The following SLC25A21 variants were observed in gnomAD, a reference collection of about 807,000 sequenced individuals.
SLC25A21 encodes the protein mitochondrial 2-oxodicarboxylate carrier.
Under a neutral mutation model 43.8 loss-of-function variants are expected in SLC25A21, and 47 were observed. That is an observed-to-expected ratio of 1.07 (90% CI 0.85 to 1.37). SLC25A21 has a LOEUF of 1.37. Among genes scored for constraint, SLC25A21 ranks in the 40% most tolerant of loss-of-function variants. The probability of loss-of-function intolerance (pLI) is 0.00; values close to 1 mark genes in which losing one functional copy is unlikely to be tolerated. For synonymous variants in SLC25A21, 131 were observed against 121.3 expected (o/e 1.08, Z -0.52); for missense variants, 352 against 350.2 (o/e 1.00, Z -0.04).
At chr14:36,936,079 C>T (rs891648801) in intron 1 of SLC25A21, among the ~76,000 whole-genome samples, 1 of 152,108 alleles carries the variant, frequency 6.6e-6, no homozygotes, top group African/African-American at 2.4e-5. Context: ...CTTTGCAAAC[C>T]TCAGGCCAAC....
intron 2 of SLC25A21, among the ~76,000 whole-genome samples, chr14:36,823,695 T>A (rs1388122338): frequency 6.6e-6 from 1 of 152,108 alleles, no homozygotes; most frequent in Non-Finnish European, 1.5e-5. Flanking sequence ...TCAAGACAAG[T>A]ATCGTAGTTT....
chr14:36,732,645 C>T (rs757944450), intron 4 of SLC25A21, among the ~76,000 whole-genome samples: 6 of 152,094 alleles, frequency 3.9e-5, no homozygotes, highest in South Asian at 4.1e-4. Flanking sequence ...AAAGAATACA[C>T]ACACACACCC....
intron 1 of SLC25A21, among the ~76,000 whole-genome samples, chr14:36,888,245 C>CT (rs1214531631): frequency 6.6e-6 from 1 of 152,140 alleles, no homozygotes; most frequent in Non-Finnish European, 1.5e-5. Context: ...AGTTCTTTAA[C>CT]TTTGCTAATT....
chr14:36,840,885 G>A (rs1594632394), intron 2 of SLC25A21, among the ~76,000 whole-genome samples: 1 of 152,180 alleles, frequency 6.6e-6, no homozygotes, highest in African/African-American at 2.4e-5. Flanking sequence ...GTTTTTCAGG[G>A]TTTTAATGCT....
intron 1 of SLC25A21, among the ~76,000 whole-genome samples, chr14:37,085,681 G>A (rs1336803952): frequency 1.3e-5 from 2 of 152,174 alleles, no homozygotes; most frequent in African/African-American, 2.4e-5. Context: ...TGAGCATTAT[G>A]AGCTGTAATT....
chr14:37,011,667 G>A (rs1374329911), intron 1 of SLC25A21, among the ~76,000 whole-genome samples: 3 of 151,406 alleles, frequency 2.0e-5, no homozygotes, highest in African/African-American at 4.9e-5. Context: ...CAGCTAATAC[G>A]TTTATAGAGT....
At chr14:36,821,098 C>A (rs1239357292) in intron 2 of SLC25A21, among the ~76,000 whole-genome samples, 1 of 152,190 alleles carries the variant, frequency 6.6e-6, no homozygotes, top group Non-Finnish European at 1.5e-5. Flanking sequence ...ACCAAACATG[C>A]AAAGACATGT....
At chr14:37,075,734 T>C (rs984310138) in intron 1 of SLC25A21, among the ~76,000 whole-genome samples, 8 of 152,206 alleles carry the variant, frequency 5.3e-5, no homozygotes, top group African/African-American at 1.7e-4. Context: ...ATTTAAGATA[T>C]ATAGGGTGGT....
At chr14:37,100,398 A>G (rs1183948571) in intron 1 of SLC25A21, among the ~76,000 whole-genome samples, 3 of 152,152 alleles carry the variant, frequency 2.0e-5, no homozygotes, top group African/African-American at 7.2e-5. Flanking sequence ...GCTGTCTTAC[A>G]CATCCTTCTT....
intron 3 of SLC25A21, among the ~76,000 whole-genome samples, chr14:36,754,416 G>C (rs1885843674): frequency 6.6e-6 from 1 of 152,160 alleles, no homozygotes; most frequent in Admixed American, 6.5e-5. Flanking sequence ...TAAGGTGGGT[G>C]GGTGAGGATA....
chr14:37,106,180 T>C (rs1396409185), intron 1 of SLC25A21, among the ~76,000 whole-genome samples: 1 of 151,972 alleles, frequency 6.6e-6, no homozygotes, highest in Non-Finnish European at 1.5e-5. Flanking sequence ...AAAAACAGAA[T>C]AACAGCAATT....
chr14:36,950,096 G>C (rs891291187), intron 1 of SLC25A21, among the ~76,000 whole-genome samples: 1 of 152,122 alleles, frequency 6.6e-6, no homozygotes, highest in African/African-American at 2.4e-5. Context: ...CATCTTAGGA[G>C]ACTAGTATTC....
intron 1 of SLC25A21, among the ~76,000 whole-genome samples, chr14:36,921,125 A>G (rs1891969206): frequency 6.6e-6 from 1 of 152,104 alleles, no homozygotes; most frequent in Admixed American, 6.6e-5. Flanking sequence ...ATCCTCCTTT[A>G]ATGTTGTTTA....
intron 1 of SLC25A21, among the ~76,000 whole-genome samples, chr14:37,026,135 A>G (rs538586901): frequency 6.6e-6 from 1 of 152,194 alleles, no homozygotes; most frequent in Non-Finnish European, 1.5e-5. Context: ...AACTACTAAC[A>G]TATAAGATGC....
intron 2 of SLC25A21, among the ~76,000 whole-genome samples, chr14:36,865,484 A>G (rs1268084358): frequency 6.6e-6 from 1 of 152,126 alleles, no homozygotes; most frequent in African/African-American, 2.4e-5. Context: ...CCACGGAATG[A>G]GCTCTGCAAG....
rs1964145824 is a variant in SLC25A21 at position 37,172,263 on chromosome 14, A to T, written c.70+18T>A. The T allele has an allele frequency of 1.3e-6, 2 of 1,579,638 alleles. No individual in the cohort carries two copies. Among genetic ancestry groups the T allele is most frequent in the Admixed American group, 3.6e-5 (2 of 55,606 alleles). ...GAAAGCGACTAGCCTCCGGCGGGGC[A>T]GGGCGGGCTGTCCTTACCTGCAGAA... On this transcript the variant is annotated intron_variant, in intron 1 of 9. Transcript: ENST00000331299.
intron 1 of SLC25A21, among the ~76,000 whole-genome samples, chr14:37,069,002 G>A (rs113886616): frequency 0.013 from 1,858 of 148,178 alleles, 45 homozygotes; most frequent in African/African-American, 0.046. Flanking sequence ...GTGAAACCCC[G>A]TCTCTACTAA....
At chr14:36,877,630 G>A (rs1890578736) in intron 1 of SLC25A21, among the ~76,000 whole-genome samples, 1 of 152,158 alleles carries the variant, frequency 6.6e-6, no homozygotes, top group Non-Finnish European at 1.5e-5. Flanking sequence ...GAGCACCTCA[G>A]AGAGAGGCCC....
chr14:37,039,808 G>A (rs1566834300), intron 1 of SLC25A21, among the ~76,000 whole-genome samples: 1 of 152,176 alleles, frequency 6.6e-6, no homozygotes, highest in Non-Finnish European at 1.5e-5. Context: ...TGCCATGAGG[G>A]AGATAATCAC....
Sources: allele counts gnomAD v4.1 joint callset (sites outside exome capture counted in the v4.1 genomes callset), GRCh38; gene constraint gnomAD v4.1.1; transcripts MANE v1.5; gene names NCBI Gene and HGNC (gene_info 2026-07-23, HGNC 2026-07-21).